The following EPHA4 variants were observed in gnomAD, a reference collection of about 807,000 sequenced individuals.
The protein encoded by EPHA4 is EPH receptor A4, also known as ephrin type-A receptor 4.
A neutral mutation model predicts 108.3 loss-of-function variants in EPHA4; 19 were observed. The ratio of observed to expected loss-of-function variants is 0.18; its 90% CI spans 0.12 to 0.26. The LOEUF is 0.26. Among genes scored for constraint, EPHA4 ranks in the 10% least tolerant of loss-of-function variants. The pLI, the probability that EPHA4 is intolerant of heterozygous loss-of-function variation, is 1.00. For synonymous variants in EPHA4, 449 were observed against 455.5 expected (o/e 0.99, Z 0.18); for missense variants, 917 against 1,254.0 (o/e 0.73, Z 4.06).
At position 221,572,272 on chromosome 2, in the gene EPHA4, C is replaced by A; in HGVS notation, c.-24G>T. ...ATGGTTCGCCGGTGCCAACGCTGCT[C>A]CTGCCGCTTCTATCCCAGTGGAATA... On this transcript the variant is annotated 5_prime_UTR_variant, in exon 1 of 18. Transcript: ENST00000281821. 6.3e-7 allele frequency: 1 copy of A among 1,584,022 alleles called. No homozygotes were observed. The highest frequency in any genetic ancestry group is 1.1e-5 in the South Asian group (1 of 90,426).
Position 221,443,569 on chromosome 2 carries a change from A to G in EPHA4, c.1812T>C (p.Asp604=). The G allele has an allele frequency of 6.2e-7, 1 of 1,613,936 alleles. No homozygotes were observed. The highest frequency in any genetic ancestry group is 8.5e-7 in the Non-Finnish European group (1 of 1,179,938). The change falls in exon 10 of 18, where the codon GAT becomes GAC. Residue 604 remains aspartate, a synonymous_variant. Transcript: ENST00000281821. The stretch of plus-strand genomic sequence containing the variant: ...CAAACTCTCGCACTGCTTGGTTGGG[A>G]TCTTCGTACGTAAAGGGGTCCACAT... ...RTYVDPFTYE[D]PNQAVREFAK...
intron 3 of EPHA4, among the ~76,000 whole-genome samples, chr2:221,542,768 C>T (rs534982459): frequency 6.6e-6 from 1 of 152,110 alleles, no homozygotes; most frequent in Non-Finnish European, 1.5e-5. Context: ...AATACATAAC[C>T]CTTTATGTTA....
intron 3 of EPHA4, among the ~76,000 whole-genome samples, chr2:221,556,986 C>A (rs1229941240): frequency 1.3e-5 from 2 of 152,144 alleles, no homozygotes; most frequent in Admixed American, 6.5e-5. Flanking sequence ...AAGGGGATCA[C>A]TGTATTTGCT....
intron 3 of EPHA4, among the ~76,000 whole-genome samples, chr2:221,527,072 C>T (rs1241153659): frequency 6.6e-6 from 1 of 151,888 alleles, no homozygotes; most frequent in Non-Finnish European, 1.5e-5. Flanking sequence ...TGCAGTGAGC[C>T]GAGATCGCGC....
At chr2:221,565,904 A>G (rs548214166) in intron 2 of EPHA4, among the ~76,000 whole-genome samples, 63 of 152,340 alleles carry the variant, frequency 4.1e-4, no homozygotes, top group African/African-American at 1.5e-3. Context: ...GAAGGCACAT[A>G]GGGTATCTCT....
At position 221,501,037 on chromosome 2, in the gene EPHA4, G is replaced by A; in HGVS notation, c.959C>T (p.Ala320Val). Residue 320 changes from alanine (A) to valine (V), a missense_variant, in exon 4 of 18, where the codon GCT becomes GTT. Transcript: ENST00000281821. ...DRGFFRADND[A>V]ASMPCTRPPS... Reference sequence around the variant, plus strand: ...CTTACGGGTGCAGGGCATAGAGGCAGCATCGTTGTCAGCTCTGAAAAAGCC... The same window carrying A: ...CTTACGGGTGCAGGGCATAGAGGCAACATCGTTGTCAGCTCTGAAAAAGCC... 6.2e-7 allele frequency: 1 copy of A among 1,611,318 alleles called. No individual in the cohort carries two copies. Among genetic ancestry groups the A allele is most frequent in the Non-Finnish European group, 8.5e-7 (1 of 1,178,882 alleles).
At chr2:221,538,629 T>C (rs1292321670) in intron 3 of EPHA4, among the ~76,000 whole-genome samples, 1 of 152,146 alleles carries the variant, frequency 6.6e-6, no homozygotes, top group African/African-American at 2.4e-5. Flanking sequence ...TGCTGGCAAA[T>C]AAAATAAGCA....
chr2:221,454,073 A>T (rs931213225), intron 8 of EPHA4, among the ~76,000 whole-genome samples: 7 of 152,028 alleles, frequency 4.6e-5, no homozygotes, highest in Non-Finnish European at 1.0e-4. Context: ...CCAGCTACTC[A>T]GGAGGGTGAG....
In EPHA4 at chr2:221,499,946, G is replaced by A. The variant is rs189112326; in HGVS notation, c.979+1071C>T. The stretch of plus-strand genomic sequence containing the variant: ...TAATTTTTGTATTTTTAGTAGAGAC[G>A]GGGTTTCACCATGTTGACCAGGCTA... On this transcript the variant is annotated intron_variant, in intron 4 of 17. Transcript: ENST00000281821. Among the ~76,000 whole-genome samples the A allele has an allele frequency of 4.4e-4, 67 of 150,848 alleles. No homozygotes were observed. The South Asian group carries it at 0.01, about 23-fold the overall frequency.
At chr2:221,443,869 T>C (rs572955700) in intron 9 of EPHA4, among the ~76,000 whole-genome samples, 1 of 152,296 alleles carries the variant, frequency 6.6e-6, no homozygotes, top group African/African-American at 2.4e-5. Flanking sequence ...ACCCATCCCA[T>C]GGAGGAAATT....
intron 1 of EPHA4, among the ~76,000 whole-genome samples, chr2:221,570,486 G>C (rs1433728996): frequency 1.3e-5 from 2 of 152,184 alleles, no homozygotes; most frequent in African/African-American, 2.4e-5. Context: ...CCGAGGGGCG[G>C]CGACGGCCGA....
chr2:221,437,024 C>A, intron 12 of EPHA4, 37 bp downstream of exon 12: 1 of 1,509,238 alleles, frequency 6.6e-7, no homozygotes, highest in Non-Finnish European at 9.2e-7. Context: ...TTTCTAAATA[C>A]CAACATTCTT....
At chr2:221,426,734 T>A in intron 15 of EPHA4, 115 bp from the exon 16 acceptor site, 1 of 908,338 alleles carries the variant, frequency 1.1e-6, no homozygotes, top group Non-Finnish European at 1.7e-6. Context: ...GGGAAGGTTT[T>A]AAATGGAACA....
chr2:221,494,851 A>G (rs1335080792), intron 4 of EPHA4, among the ~76,000 whole-genome samples: 2 of 152,188 alleles, frequency 1.3e-5, no homozygotes, highest in Non-Finnish European at 2.9e-5. Flanking sequence ...AGAGCTAGTC[A>G]TTCGTAGAGT....
chr2:221,446,997 A>T (rs911056019), intron 8 of EPHA4, among the ~76,000 whole-genome samples: 4 of 152,230 alleles, frequency 2.6e-5, no homozygotes, highest in African/African-American at 9.6e-5. Flanking sequence ...AGTACACATA[A>T]ATATTCAATC....
chr2:221,427,542 A>G (rs1270148928), intron 15 of EPHA4, among the ~76,000 whole-genome samples: 1 of 152,182 alleles, frequency 6.6e-6, no homozygotes, highest in Non-Finnish European at 1.5e-5. Flanking sequence ...TCATGGGGTT[A>G]TTTTATACTA....
chr2:221,525,246 G>A (rs140935282), intron 3 of EPHA4, among the ~76,000 whole-genome samples: 181 of 152,246 alleles, frequency 1.2e-3, no homozygotes, highest in African/African-American at 4.0e-3. Context: ...CACCCATCAC[G>A]CTGCGTGGAA....
At chr2:221,560,027 G>A (rs985648350) in intron 3 of EPHA4, among the ~76,000 whole-genome samples, 10 of 152,214 alleles carry the variant, frequency 6.6e-5, no homozygotes, top group Non-Finnish European at 1.3e-4. Context: ...GCAAGAGGAA[G>A]TGTAGTTCTG....
At chr2:221,421,980 C>T (rs1032150634) in intron 17 of EPHA4, 1 of 151,776 alleles carries the variant, frequency 6.6e-6, no homozygotes, top group African/African-American at 2.4e-5. Flanking sequence ...TAGCTCATAC[C>T]TGTAATTCCA....
Sources: gnomAD v4.1 joint callset for allele counts (sites outside exome capture counted in the v4.1 genomes callset) on GRCh38, gnomAD v4.1.1 for gene constraint, MANE v1.5 for transcripts, NCBI Gene and HGNC (gene_info 2026-07-23, HGNC 2026-07-21) for gene names.